GNB4: variants seen among roughly 807,000 people sequenced by gnomAD.
The protein encoded by GNB4 is guanine nucleotide-binding protein subunit beta-4.
GNB4 carries 28 observed loss-of-function variants against 45.2 expected under a neutral mutation model. That is an observed-to-expected ratio of 0.62 (90% CI 0.46 to 0.85). The LOEUF (loss-of-function observed/expected upper bound fraction) is 0.85. Among genes scored for constraint, GNB4 ranks in the 40% least tolerant of loss-of-function variants. GNB4 has a pLI of 0.00. For missense variants in GNB4, 321 were observed against 425.4 expected (o/e 0.75, Z 2.16); for synonymous variants, 132 against 143.7 (o/e 0.92, Z 0.58).
chr3:179,504,681 G>A, the GNB4 span, among the ~76,000 whole-genome samples: 1 of 152,172 alleles, frequency 6.6e-6, no homozygotes, highest in Admixed American at 6.5e-5. Flanking sequence ...TGATAATAGA[G>A]TGAGGAGTGA....
chr3:179,410,544 C>T (rs1714622393), intron 8 of GNB4: 1 of 152,146 alleles, frequency 6.6e-6, no homozygotes, highest in African/African-American at 2.4e-5. Flanking sequence ...CTGTCTTCTC[C>T]TGTGTCTCTT....
At chr3:179,461,627 T>C in the GNB4 span, among the ~76,000 whole-genome samples, 5 of 152,358 alleles carry the variant, frequency 3.3e-5, no homozygotes, top group East Asian at 9.6e-4. Context: ...TAAATGTCCA[T>C]GAAATCAGAC....
At chr3:179,491,566 C>T in the GNB4 span, among the ~76,000 whole-genome samples, 604 of 152,228 alleles carry the variant, frequency 4.0e-3, 6 homozygotes, top group African/African-American at 0.014. Flanking sequence ...GGAAGCATTC[C>T]GGAGCTGGTA....
chr3:179,427,340 C>T (rs995030638), intron 1 of GNB4, among the ~76,000 whole-genome samples: 6 of 152,032 alleles, frequency 3.9e-5, no homozygotes, highest in Non-Finnish European at 7.4e-5. Flanking sequence ...TGTGGTGGCT[C>T]ACGCCTGTAA....
chr3:179,412,351 T>C (rs971177878), intron 8 of GNB4, among the ~76,000 whole-genome samples: 5 of 151,952 alleles, frequency 3.3e-5, no homozygotes, highest in African/African-American at 1.2e-4. Flanking sequence ...TGGTGGTGTA[T>C]GCCTGTAGTC....
At position 179,397,126 on chromosome 3, in the gene GNB4, C is replaced by T. The variant is rs1444585962; in HGVS notation, c.*4087G>A. On this transcript the variant is annotated 3_prime_UTR_variant, in exon 10 of 10. Coordinates refer to ENST00000232564, the MANE Select transcript of GNB4 (RefSeq NM_021629.4). ...GAAGATTTCAGAAAGAACATCGTCA[C>T]TATTAAAATGATGACAGGCCCAAAT... 2 of 152,170 alleles carry T rather than the reference C, an allele frequency of 1.3e-5. No individual in the cohort carries two copies. Among genetic ancestry groups the T allele is most frequent in the Non-Finnish European group, 2.9e-5 (2 of 68,036 alleles). The allele number at this position is 152,170 out of a possible 1,614,324, so 9.4% of individuals were successfully genotyped here. A position where few individuals can be genotyped will look rare whatever the true frequency, so the allele number is the denominator to read the frequency against.
the GNB4 span, among the ~76,000 whole-genome samples, chr3:179,468,052 A>ATATATATATATATATATAT: frequency 2.9e-5 from 4 of 139,412 alleles, no homozygotes; most frequent in Admixed American, 7.2e-5. Context: ...ATATATATAG[A>ATATATATATATATATATAT]ACAGGTGTGG....
chr3:179,416,052 A>T (rs1475301968), intron 5 of GNB4, among the ~76,000 whole-genome samples: 2 of 152,156 alleles, frequency 1.3e-5, no homozygotes, highest in African/African-American at 4.8e-5. Flanking sequence ...CAAGAGATCT[A>T]CGTAAGTTGT....
At chr3:179,501,807 T>C in the GNB4 span, among the ~76,000 whole-genome samples, 2 of 152,254 alleles carry the variant, frequency 1.3e-5, no homozygotes, top group Non-Finnish European at 2.9e-5. Context: ...CAATCCTTCA[T>C]GAGACTCTGT....
the GNB4 span, among the ~76,000 whole-genome samples, chr3:179,509,860 C>T: frequency 6.6e-6 from 1 of 152,142 alleles, no homozygotes; most frequent in African/African-American, 2.4e-5. Flanking sequence ...CTCTGTCAGC[C>T]AGGCTGGAGT....
chr3:179,417,389 A>G (rs919507349), intron 4 of GNB4, among the ~76,000 whole-genome samples: 5 of 150,780 alleles, frequency 3.3e-5, no homozygotes, highest in Admixed American at 2.0e-4. Context: ...TTTAGCCACT[A>G]AATTTTTTGT....
the GNB4 span, among the ~76,000 whole-genome samples, chr3:179,463,173 A>G: frequency 1.3e-5 from 2 of 152,188 alleles, no homozygotes; most frequent in Non-Finnish European, 2.9e-5. Flanking sequence ...CAATGTCCGT[A>G]GTCACTCGAA....
At chr3:179,416,351 C>T in intron 5 of GNB4, 142 bp downstream of exon 5, 1 of 583,914 alleles carries the variant, frequency 1.7e-6, no homozygotes, top group Admixed American at 3.8e-5. Flanking sequence ...AACACTAAGA[C>T]AAAAGAGAAG....
Position 179,398,195 on chromosome 3 carries a change from A to G in GNB4, c.*3018T>C, listed in dbSNP as rs1476451097. On this transcript the variant is annotated 3_prime_UTR_variant, in exon 10 of 10. Coordinates refer to ENST00000232564, the MANE Select transcript of GNB4 (RefSeq NM_021629.4). ...ACAAATTAACCTTCTCAGGCACATT[A>G]TGTTTAAATGTTTCTTAGAAGGTAA... The G allele has an allele frequency of 2.6e-5, 4 of 152,016 alleles. No individual in the cohort carries two copies. The highest frequency in any genetic ancestry group is 9.7e-5 in the African/African-American group (4 of 41,390). 9.4% of individuals were successfully genotyped at this position (152,016 alleles called of 1,614,324 possible).
the GNB4 span, among the ~76,000 whole-genome samples, chr3:179,527,786 ATGTATGTG>A: frequency 1.2e-3 from 152 of 124,928 alleles, no homozygotes; most frequent in Middle Eastern, 0.021. Flanking sequence ...GCGTGTGTGT[ATGTATGTG>A]TGTGTGTGTG....
intron 2 of GNB4, 141 bp downstream of exon 2, chr3:179,426,003 T>A: frequency 7.7e-6 from 5 of 651,754 alleles, no homozygotes; most frequent in Non-Finnish European, 1.3e-5. Flanking sequence ...TAGACCTCAG[T>A]TCTTACTTCG....
At chr3:179,521,217 T>A in the GNB4 span, among the ~76,000 whole-genome samples, 1 of 152,202 alleles carries the variant, frequency 6.6e-6, no homozygotes, top group East Asian at 1.9e-4. Context: ...TTCCCACCTC[T>A]ATACAGTCTG....
At chr3:179,500,161 C>T in the GNB4 span, among the ~76,000 whole-genome samples, 461 of 152,278 alleles carry the variant, frequency 3.0e-3, 1 homozygote, top group African/African-American at 0.01. Flanking sequence ...TTTGCCCATG[C>T]CAATGTCCTG....
the GNB4 span, among the ~76,000 whole-genome samples, chr3:179,460,205 C>T: frequency 1.3e-5 from 2 of 152,256 alleles, no homozygotes; most frequent in Admixed American, 1.3e-4. Context: ...GTTTCATGGA[C>T]GTTCTCATTG....
Sources: allele counts gnomAD v4.1 joint callset (sites outside exome capture counted in the v4.1 genomes callset), GRCh38; gene constraint gnomAD v4.1.1; transcripts MANE v1.5; gene names NCBI Gene and HGNC (gene_info 2026-07-23, HGNC 2026-07-21).